Variants in KCNK1 observed in about 807,000 individuals in gnomAD.
The protein encoded by KCNK1 is potassium channel subfamily K member 1.
A neutral mutation model predicts 22.2 loss-of-function variants in KCNK1; 10 were observed. The ratio of observed to expected loss-of-function variants is 0.45; its 90% confidence interval spans 0.28 to 0.76. KCNK1 has a LOEUF of 0.76. Ranked by LOEUF, KCNK1 falls within the 30% of genes least tolerant of loss-of-function variation. The pLI is 0.14. For synonymous variants in KCNK1, 200 were observed against 186.4 expected (o/e 1.07, Z -0.60); for missense variants, 378 against 421.0 (o/e 0.90, Z 0.89).
intron 1 of KCNK1, among the ~76,000 whole-genome samples, chr1:233,637,639 G>T (rs1260917274): frequency 6.6e-6 from 1 of 152,140 alleles, no homozygotes; most frequent in African/African-American, 2.4e-5. Flanking sequence ...TATGACTCTG[G>T]TGTCTTCCAA....
chr1:233,635,360 G>A (rs906904086), intron 1 of KCNK1, among the ~76,000 whole-genome samples: 25 of 152,130 alleles, frequency 1.6e-4, no homozygotes, highest in African/African-American at 5.8e-4. Flanking sequence ...GCCTGTCTCT[G>A]CTAGGCTTGA....
In KCNK1 at chr1:233,614,181, T is replaced by A; in HGVS notation, c.10T>A (p.Ser4Thr). 1 of 1,602,400 alleles carries A rather than the reference T, an allele frequency of 6.2e-7. No individual in the cohort carries two copies. The highest frequency in any genetic ancestry group is 8.5e-7 in the Non-Finnish European group (1 of 1,178,518). Residue 4 changes from serine to threonine, a missense_variant, in exon 1 of 3, where the codon TCC (serine) becomes ACC (threonine). Ser to Thr is a moderately conservative substitution (Grantham distance 58). Transcript: ENST00000366621. ...GGCGGCGGTGGAGAAGATGCTGCAGTCCCTGGCCGGCAGCTCGTGCGTGCG... is the reference window on the plus strand; with the variant it reads ...GGCGGCGGTGGAGAAGATGCTGCAGACCCTGGCCGGCAGCTCGTGCGTGCG... MLQ[S>T]LAGSSCVRLV...
At chr1:233,662,250 T>TCTTCTTCTTCTTCTTCTTCTC (rs1359810883) in intron 1 of KCNK1, among the ~76,000 whole-genome samples, 7 of 131,650 alleles carry the variant, frequency 5.3e-5, no homozygotes, top group Non-Finnish European at 1.0e-4. Context: ...TTCTTCTTCT[T>TCTTCTTCTTCTTCTTCTTCTC]CTTCTTCTTC....
intron 1 of KCNK1, among the ~76,000 whole-genome samples, chr1:233,664,921 T>C (rs1030155756): frequency 6.6e-6 from 1 of 152,228 alleles, no homozygotes; most frequent in Non-Finnish European, 1.5e-5. Flanking sequence ...TTTAGCTGGC[T>C]TTTTCCTGAA....
chr1:233,614,117 C>T lies in KCNK1; in HGVS notation c.-55C>T, dbSNP rs897650899. ...GGGGCGGCGGGGCCAGAAGAGGCGG[C>T]GGGCCGCGCTCCGGCCGGTCTGCGG... On this transcript the variant is annotated 5_prime_UTR_variant, in exon 1 of 3. Coordinates refer to ENST00000366621, the MANE Select transcript of KCNK1 (RefSeq NM_002245.4). 1.4e-5 allele frequency: 18 copies of T among 1,284,392 alleles called. 1 individual carries two copies. The East Asian group carries it at 1.9e-4, about 13-fold the overall frequency. The allele number at this position is 1,284,392 out of a possible 1,614,324, so 79.6% of individuals were successfully genotyped here.
chr1:233,650,747 G>A (rs1248338766), intron 1 of KCNK1, among the ~76,000 whole-genome samples: 1 of 150,164 alleles, frequency 6.7e-6, no homozygotes, highest in Admixed American at 6.7e-5. Context: ...TTCAAATTTA[G>A]CAAATGTGAT....
At chr1:233,649,989 G>T (rs1658170980) in intron 1 of KCNK1, 1 of 533,306 alleles carries the variant, frequency 1.9e-6, no homozygotes. Flanking sequence ...GTTGAATCTG[G>T]CTGTGAGAGC....
intron 1 of KCNK1, among the ~76,000 whole-genome samples, chr1:233,625,420 A>G (rs1292709258): frequency 2.0e-5 from 3 of 152,158 alleles, no homozygotes; most frequent in South Asian, 2.1e-4. Context: ...CTTTGGGGAA[A>G]TGGGGTTCTG....
rs1658610605 is a variant in KCNK1 at position 233,672,076 on chromosome 1, T to C, written c.*546T>C. 6.4e-6 allele frequency: 1 copy of C among 155,554 alleles called. No homozygotes were observed. The highest frequency in any genetic ancestry group is 2.0e-4 in the South Asian group (1 of 5,072). The allele number at this position is 155,554 out of a possible 1,614,324, so 9.6% of individuals were successfully genotyped here. On this transcript the variant is annotated 3_prime_UTR_variant, in exon 3 of 3. Transcript: ENST00000366621. ...TAACTATGTACATATAAAGTATAAATATGTTTATATTCTGTACATATGGTT... is the reference window on the plus strand; with the variant it reads ...TAACTATGTACATATAAAGTATAAACATGTTTATATTCTGTACATATGGTT...
chr1:233,631,490 T>G, intron 1 of KCNK1: 1 of 343,514 alleles, frequency 2.9e-6, no homozygotes, highest in Non-Finnish European at 5.8e-6. Context: ...GTGCAATAGG[T>G]GAGCTTGCCA....
intron 1 of KCNK1, among the ~76,000 whole-genome samples, chr1:233,662,392 G>A (rs1658413187): frequency 2.0e-5 from 3 of 152,100 alleles, no homozygotes; most frequent in Admixed American, 6.6e-5. Flanking sequence ...TACTGTTACA[G>A]ACTCAGGGTC....
chr1:233,659,057 T>C (rs937855697), intron 1 of KCNK1, among the ~76,000 whole-genome samples: 1 of 152,184 alleles, frequency 6.6e-6, no homozygotes, highest in African/African-American at 2.4e-5. Flanking sequence ...CTTGTTTACT[T>C]TATAAACTTT....
At chr1:233,619,076 G>C (rs1657533663) in intron 1 of KCNK1, among the ~76,000 whole-genome samples, 1 of 152,094 alleles carries the variant, frequency 6.6e-6, no homozygotes, top group Non-Finnish European at 1.5e-5. Flanking sequence ...GGAGTGCAGT[G>C]ACACTATCGT....
At chr1:233,662,157 C>A (rs754628396) in intron 1 of KCNK1, among the ~76,000 whole-genome samples, 1 of 152,136 alleles carries the variant, frequency 6.6e-6, no homozygotes, top group Non-Finnish European at 1.5e-5. Flanking sequence ...GGAAACATTG[C>A]GACTGATTTC....
chr1:233,671,253 G>A lies in KCNK1; in HGVS notation c.752-18G>A. 1 of 1,612,780 alleles carries A rather than the reference G, an allele frequency of 6.2e-7. No individual in the cohort carries two copies. The highest frequency in any genetic ancestry group is 1.1e-5 in the South Asian group (1 of 91,002). Reference sequence around the variant, plus strand: ...CATGTTGAGATCACACTAAGACAGTGTCCTGTTTCTCACACAGGTTACCTG... The same window carrying A: ...CATGTTGAGATCACACTAAGACAGTATCCTGTTTCTCACACAGGTTACCTG... On this transcript the variant is annotated intron_variant, in intron 2 of 2. Coordinates refer to ENST00000366621, the MANE Select transcript of KCNK1 (RefSeq NM_002245.4).
intron 1 of KCNK1, among the ~76,000 whole-genome samples, chr1:233,621,242 C>T (rs1276008249): frequency 6.6e-6 from 1 of 152,230 alleles, no homozygotes; most frequent in Non-Finnish European, 1.5e-5. Context: ...AGGTGGCCAT[C>T]TGCAAGCCAA....
At chr1:233,615,091 TTGGAG>T (rs1657464532) in intron 1 of KCNK1, among the ~76,000 whole-genome samples, 1 of 152,230 alleles carries the variant, frequency 6.6e-6, no homozygotes, top group Non-Finnish European at 1.5e-5. Flanking sequence ...CTTTTGTACC[TTGGAG>T]GCAGTTTTGG....
At chr1:233,616,704 A>G (rs1025668468) in intron 1 of KCNK1, among the ~76,000 whole-genome samples, 1 of 152,246 alleles carries the variant, frequency 6.6e-6, no homozygotes, top group Non-Finnish European at 1.5e-5. Context: ...GTACTGCCCC[A>G]TTATTTGACA....
chr1:233,663,264 G>C (rs2102909134), intron 1 of KCNK1, among the ~76,000 whole-genome samples: 1 of 152,288 alleles, frequency 6.6e-6, no homozygotes, highest in South Asian at 2.1e-4. Context: ...GTAAGGATCT[G>C]CGTGGTGGTG....
Sources: allele counts gnomAD v4.1 joint callset (sites outside exome capture counted in the v4.1 genomes callset), GRCh38; gene constraint gnomAD v4.1.1; transcripts MANE v1.5; gene names NCBI Gene and HGNC (gene_info 2026-07-23, HGNC 2026-07-21).